The following USP12 variants were observed in gnomAD, a reference collection of about 807,000 sequenced individuals.
USP12 encodes the protein ubiquitin carboxyl-terminal hydrolase 12.
USP12 carries 19 observed loss-of-function variants against 45.5 expected under a neutral mutation model. The ratio of observed to expected loss-of-function variants is 0.42; its 90% confidence interval spans 0.29 to 0.61. The LOEUF is 0.61. Among genes scored for constraint, USP12 ranks in the 20% least tolerant of loss-of-function variants. The probability of loss-of-function intolerance (pLI) is 0.22; values close to 1 mark genes in which losing one functional copy is unlikely to be tolerated. For synonymous variants in USP12, 149 were observed against 148.8 expected, an observed-to-expected ratio of 1.00 and a Z score of -0.01; for missense variants, 242 against 447.7, an observed-to-expected ratio of 0.54 and a Z score of 4.15.
rs55816785 is a variant in USP12 at position 27,087,251 on chromosome 13, ATG to A, written c.734+2630_734+2631del. On this transcript the variant is annotated intron_variant, in intron 6 of 8. Coordinates refer to ENST00000282344, the MANE Select transcript of USP12 (RefSeq NM_182488.4). ...AAATAAGTAAATATAGTGGGGAGGG[ATG>A]TGTGTGTGTGTGTGTGTGTGTGTGT... is the stretch of plus-strand genomic sequence containing the variant. Among the ~76,000 whole-genome samples the A allele has an allele frequency of 2.8e-3, 409 of 144,032 alleles. 4 individuals carry two copies. Among genetic ancestry groups the A allele is most frequent in the African/African-American group, 8.8e-3 (337 of 38,292 alleles). 94.5% of individuals were successfully genotyped at this position (144,032 alleles called of 152,430 possible).
At chr13:27,120,278 C>T (rs569028847) in intron 1 of USP12, among the ~76,000 whole-genome samples, 23 of 152,110 alleles carry the variant, frequency 1.5e-4, no homozygotes, top group Non-Finnish European at 2.9e-4. Context: ...TTGAGAAGTA[C>T]GACCCTATCA....
chr13:27,086,665 G>C (rs1023989392), intron 6 of USP12, among the ~76,000 whole-genome samples: 2 of 152,012 alleles, frequency 1.3e-5, no homozygotes, highest in Non-Finnish European at 2.9e-5. Context: ...CATCATTCTA[G>C]GGAAAGGGTG....
At chr13:27,120,411 G>T (rs1875929352) in intron 1 of USP12, among the ~76,000 whole-genome samples, 1 of 152,180 alleles carries the variant, frequency 6.6e-6, no homozygotes, top group South Asian at 2.1e-4. Context: ...CCAACACTTT[G>T]AGACGATGAG....
At chr13:27,118,427 T>C (rs1235505693) in intron 1 of USP12, among the ~76,000 whole-genome samples, 1 of 152,214 alleles carries the variant, frequency 6.6e-6, no homozygotes, top group African/African-American at 2.4e-5. Context: ...AGATATCATT[T>C]ATTTCTAAAT....
chr13:27,094,544 G>A (rs538417069), intron 4 of USP12, among the ~76,000 whole-genome samples: 1 of 152,052 alleles, frequency 6.6e-6, no homozygotes, highest in Non-Finnish European at 1.5e-5. Context: ...ACCTTGACTG[G>A]GTGATCAAAA....
intron 3 of USP12, among the ~76,000 whole-genome samples, chr13:27,104,719 G>T (rs1406403631): frequency 2.0e-5 from 3 of 152,154 alleles, no homozygotes; most frequent in African/African-American, 4.8e-5. Flanking sequence ...CAGCGAACTA[G>T]ATATGATCCA....
intron 6 of USP12, among the ~76,000 whole-genome samples, chr13:27,079,549 A>T (rs949829892): frequency 3.3e-5 from 5 of 152,192 alleles, no homozygotes; most frequent in Admixed American, 3.3e-4. Context: ...AACCACCCTC[A>T]ACCGGAATAC....
chr13:27,160,780 T>G (rs1248898681), intron 1 of USP12, among the ~76,000 whole-genome samples: 1 of 151,156 alleles, frequency 6.6e-6, no homozygotes, highest in Non-Finnish European at 1.5e-5. Flanking sequence ...GCATCATGTT[T>G]CTTTTTTTTT....
At chr13:27,074,270 G>T (rs927294897) in intron 7 of USP12, among the ~76,000 whole-genome samples, 4 of 152,088 alleles carry the variant, frequency 2.6e-5, no homozygotes, top group Non-Finnish European at 4.4e-5. Flanking sequence ...CGTGGTGGTG[G>T]GTGCCTGTAG....
chr13:27,096,614 T>C (rs1874594606), intron 3 of USP12, among the ~76,000 whole-genome samples: 1 of 152,192 alleles, frequency 6.6e-6, no homozygotes, highest in Non-Finnish European at 1.5e-5. Flanking sequence ...ATTAACTTTA[T>C]TTGTAAACAT....
chr13:27,163,183 C>T (rs112928560), intron 1 of USP12, among the ~76,000 whole-genome samples: 1 of 152,158 alleles, frequency 6.6e-6, no homozygotes, highest in Non-Finnish European at 1.5e-5. Flanking sequence ...TCATGACTGT[C>T]CTCTGGACTT....
intron 1 of USP12, among the ~76,000 whole-genome samples, chr13:27,126,094 G>C (rs1441120318): frequency 1.3e-5 from 2 of 152,234 alleles, no homozygotes; most frequent in African/African-American, 4.8e-5. Context: ...AAACGTCCCT[G>C]CCTGACAGGT....
At chr13:27,100,674 A>C (rs1158024426) in intron 3 of USP12, among the ~76,000 whole-genome samples, 1 of 152,178 alleles carries the variant, frequency 6.6e-6, no homozygotes, top group Non-Finnish European at 1.5e-5. Flanking sequence ...TCCGGGTCAC[A>C]AATCTGGAAC....
chr13:27,142,149 C>G (rs111652465), intron 1 of USP12, among the ~76,000 whole-genome samples: 3 of 152,096 alleles, frequency 2.0e-5, no homozygotes, highest in Non-Finnish European at 4.4e-5. Context: ...CACACACACA[C>G]GCAATGACAG....
intron 6 of USP12, among the ~76,000 whole-genome samples, chr13:27,080,679 T>C (rs1028071002): frequency 5.9e-5 from 9 of 152,162 alleles, no homozygotes; most frequent in African/African-American, 2.2e-4. Context: ...TACAGGCATA[T>C]CTTGGACACG....
At chr13:27,127,270 C>T (rs1216781733) in intron 1 of USP12, among the ~76,000 whole-genome samples, 1 of 152,172 alleles carries the variant, frequency 6.6e-6, no homozygotes, top group Non-Finnish European at 1.5e-5. Context: ...CATTGTGGTA[C>T]ACATGGCAGA....
intron 1 of USP12, among the ~76,000 whole-genome samples, chr13:27,141,405 C>T (rs1209028232): frequency 6.6e-6 from 1 of 152,168 alleles, no homozygotes; most frequent in African/African-American, 2.4e-5. Context: ...AATGAGCACA[C>T]ATAGAATCGG....
intron 1 of USP12, among the ~76,000 whole-genome samples, chr13:27,116,999 T>C (rs1875776328): frequency 6.6e-6 from 1 of 152,142 alleles, no homozygotes; most frequent in Non-Finnish European, 1.5e-5. Context: ...TTACACATGA[T>C]CGTATTTTCA....
chr13:27,117,568 A>T (rs903793358), intron 1 of USP12, among the ~76,000 whole-genome samples: 20 of 152,068 alleles, frequency 1.3e-4, no homozygotes, highest in African/African-American at 4.6e-4. Context: ...TCTCAAAAAC[A>T]CAATGTTAAA....
Sources: gnomAD v4.1 joint callset for allele counts (sites outside exome capture counted in the v4.1 genomes callset) on GRCh38, gnomAD v4.1.1 for gene constraint, MANE v1.5 for transcripts, NCBI Gene and HGNC (gene_info 2026-07-23, HGNC 2026-07-21) for gene names.